KAZN: variants seen among roughly 807,000 people sequenced by gnomAD.
The protein encoded by KAZN is kazrin, periplakin interacting protein, also known as kazrin.
In KAZN, 40 loss-of-function variants were observed where a neutral mutation model predicts 87.4. The ratio of observed to expected loss-of-function variants is 0.46; its 90% CI spans 0.36 to 0.60. KAZN has a LOEUF of 0.60. Ranked by LOEUF, KAZN falls within the 20% of genes least tolerant of loss-of-function variation. The pLI is 0.00. For synonymous variants in KAZN, 466 were observed against 458.3 expected, an observed-to-expected ratio of 1.02 and a Z score of -0.22; for missense variants, 898 against 1,073.9, an observed-to-expected ratio of 0.84 and a Z score of 2.29.
At chr1:15,002,373 G>A (rs115834534) in intron 2 of KAZN, among the ~76,000 whole-genome samples, 2 of 152,288 alleles carry the variant, frequency 1.3e-5, no homozygotes, top group Non-Finnish European at 2.9e-5. Flanking sequence ...CCTTGACTGG[G>A]CCAAGAGTCA....
At chr1:14,915,739 A>G (rs557695292) in intron 1 of KAZN, among the ~76,000 whole-genome samples, 1 of 152,278 alleles carries the variant, frequency 6.6e-6, no homozygotes, top group African/African-American at 2.4e-5. Context: ...TTCCAGCCAC[A>G]TCACCTTGGA....
At chr1:14,359,100 G>A (rs540433488) in intron 2 of KAZN, among the ~76,000 whole-genome samples, 3 of 152,254 alleles carry the variant, frequency 2.0e-5, no homozygotes, top group East Asian at 3.9e-4. Flanking sequence ...ATGAATCTGG[G>A]TGCTCCTGTA....
chr1:14,138,587 G>A (rs911519923), intron 1 of KAZN, among the ~76,000 whole-genome samples: 1 of 152,138 alleles, frequency 6.6e-6, no homozygotes, highest in African/African-American at 2.4e-5. Context: ...AGGGAAGGTG[G>A]ACATCTCCGC....
chr1:14,501,810 G>A (rs1433852968), intron 2 of KAZN, among the ~76,000 whole-genome samples: 2 of 152,264 alleles, frequency 1.3e-5, no homozygotes, highest in Admixed American at 6.5e-5. Flanking sequence ...TAAAAACGAA[G>A]GACTGATCTG....
chr1:14,023,682 A>G (rs957809334), intron 1 of KAZN, among the ~76,000 whole-genome samples: 34 of 152,168 alleles, frequency 2.2e-4, no homozygotes, highest in African/African-American at 8.2e-4. Context: ...CGGTAAACAA[A>G]CAAACAAAAA....
chr1:14,506,600 T>C (rs1670596445), intron 2 of KAZN, among the ~76,000 whole-genome samples: 1 of 152,200 alleles, frequency 6.6e-6, no homozygotes, highest in African/African-American at 2.4e-5. Context: ...ATCATCATTA[T>C]ATTTATCTGG....
intron 2 of KAZN, among the ~76,000 whole-genome samples, chr1:14,462,285 G>A (rs1287057231): frequency 6.6e-6 from 1 of 151,988 alleles, no homozygotes; most frequent in Non-Finnish European, 1.5e-5. Context: ...GACCGTTTGT[G>A]GTTTACACAG....
intron 2 of KAZN, among the ~76,000 whole-genome samples, chr1:14,561,638 G>A (rs1212029459): frequency 2.0e-5 from 3 of 152,066 alleles, no homozygotes; most frequent in African/African-American, 4.8e-5. Context: ...GCAGTGGCTC[G>A]CACCTGTAAT....
intron 3 of KAZN, among the ~76,000 whole-genome samples, chr1:15,035,902 C>G (rs1005403131): frequency 1.1e-4 from 16 of 152,228 alleles, no homozygotes; most frequent in African/African-American, 3.9e-4. Context: ...GCTCGAGGCC[C>G]CTTTTTTGAA....
At chr1:14,287,828 GTTC>G (rs1240389919) in intron 2 of KAZN, among the ~76,000 whole-genome samples, 6 of 152,266 alleles carry the variant, frequency 3.9e-5, no homozygotes, top group South Asian at 4.1e-4. Flanking sequence ...GTCATAAATA[GTTC>G]TTCTTATTTT....
chr1:14,736,254 G>GGC (rs780407996), intron 1 of KAZN, among the ~76,000 whole-genome samples: 1 of 115,300 alleles, frequency 8.7e-6, no homozygotes, highest in African/African-American at 3.2e-5. Flanking sequence ...GGGACTCAAG[G>GGC]GTGTGTGTGT....
chr1:14,548,831 C>T (rs566715948), intron 2 of KAZN, among the ~76,000 whole-genome samples: 1 of 152,314 alleles, frequency 6.6e-6, no homozygotes, highest in East Asian at 1.9e-4. Context: ...ATCTCTAGGG[C>T]ATTACACAGG....
chr1:14,290,765 G>T (rs536662364), intron 2 of KAZN, among the ~76,000 whole-genome samples: 1 of 152,294 alleles, frequency 6.6e-6, no homozygotes, highest in East Asian at 1.9e-4. Context: ...GGCACTCTGG[G>T]TTTTAAAATT....
chr1:14,231,885 G>A (rs1647888559), intron 2 of KAZN, among the ~76,000 whole-genome samples: 1 of 152,124 alleles, frequency 6.6e-6, no homozygotes, highest in South Asian at 2.1e-4. Flanking sequence ...AGTGACTCAG[G>A]GATCCAGGCT....
At chr1:14,240,174 A>C (rs1436147629) in intron 2 of KAZN, among the ~76,000 whole-genome samples, 1 of 152,240 alleles carries the variant, frequency 6.6e-6, no homozygotes, top group Non-Finnish European at 1.5e-5. Flanking sequence ...CTAGGCTGAA[A>C]GATACCAGTG....
intron 2 of KAZN, among the ~76,000 whole-genome samples, chr1:14,519,142 ATT>A (rs1251368341): frequency 6.6e-6 from 1 of 152,078 alleles, no homozygotes; most frequent in Non-Finnish European, 1.5e-5. Context: ...ATAATTGGAA[ATT>A]TTTAAAAAAA....
At chr1:14,206,683 C>T (rs965205675) in intron 2 of KAZN, among the ~76,000 whole-genome samples, 1 of 147,454 alleles carries the variant, frequency 6.8e-6, no homozygotes, top group Non-Finnish European at 1.5e-5. Context: ...CCTTTTAAAC[C>T]TAACTTCATG....
chr1:14,009,929 C>T (rs540054451), intron 1 of KAZN, among the ~76,000 whole-genome samples: 19 of 152,128 alleles, frequency 1.2e-4, no homozygotes, highest in African/African-American at 3.6e-4. Context: ...ACTGGGAAAC[C>T]GGGTGGTTTC....
intron 1 of KAZN, among the ~76,000 whole-genome samples, chr1:14,026,925 G>A (rs979977817): frequency 2.0e-5 from 3 of 152,094 alleles, no homozygotes; most frequent in Admixed American, 6.6e-5. Flanking sequence ...CATCCAAACC[G>A]AAACTTGAAA....
Sources: gnomAD v4.1 joint callset for allele counts (sites outside exome capture counted in the v4.1 genomes callset) on GRCh38, gnomAD v4.1.1 for gene constraint, MANE v1.5 for transcripts, NCBI Gene and HGNC (gene_info 2026-07-23, HGNC 2026-07-21) for gene names.